Variants in RBM25 observed in about 807,000 individuals in gnomAD.
The protein encoded by RBM25 is RNA-binding protein 25.
In RBM25, 19 loss-of-function variants were observed where a neutral mutation model predicts 120.7. That is an observed-to-expected ratio of 0.16 (90% CI 0.11 to 0.23). RBM25 has a LOEUF of 0.23. RBM25 is among the 10% of genes least tolerant of loss of function. RBM25 has a pLI of 1.00. For synonymous variants in RBM25, 390 were observed against 326.7 expected (o/e 1.19, Z -2.09); for missense variants, 605 against 1,041.5 (o/e 0.58, Z 5.77).
chr14:73,062,476 A>G (rs1189408823), intron 1 of RBM25, among the ~76,000 whole-genome samples: 3 of 151,476 alleles, frequency 2.0e-5, no homozygotes, highest in Non-Finnish European at 4.4e-5. Context: ...AAAATAATCT[A>G]TCCTGGGAGA....
At position 73,123,621 on chromosome 14, in the gene RBM25, T is replaced by A. The variant is rs1441296213; in HGVS notation, c.*3816T>A. ...GATACATACCAAACCCAGGAGCTAC[T>A]AATATAACAATCATACTATAGAGCG... On this transcript the variant is annotated 3_prime_UTR_variant, in exon 19 of 19. Coordinates refer to ENST00000261973, the MANE Select transcript of RBM25 (RefSeq NM_021239.3). 6.6e-6 allele frequency: 1 copy of A among 152,226 alleles called. No homozygotes were observed. The highest frequency in any genetic ancestry group is 2.4e-5 in the African/African-American group (1 of 41,456). 9.4% of individuals were successfully genotyped at this position (152,226 alleles called of 1,614,324 possible). A position where few individuals can be genotyped will look rare whatever the true frequency, so the allele number is the denominator to read the frequency against.
rs1301226641 is a variant in RBM25, at chr14:73,061,089, G to T, written c.-16+2384G>T. On this transcript the variant is annotated intron_variant, in intron 1 of 18. Transcript: ENST00000261973. ...TTTTCCTTTTTGGAGATGGAGTCTC[G>T]CTCTGTCACCCAGGCTGGAGTGTAG... Among the ~76,000 whole-genome samples the T allele has an allele frequency of 1.4e-5, 2 of 147,508 alleles. 1 individual carries two copies. Among genetic ancestry groups the T allele is most frequent in the Non-Finnish European group, 3.0e-5 (2 of 66,594 alleles).
At chr14:73,099,979 C>T in intron 9 of RBM25, 1 of 547,592 alleles carries the variant, frequency 1.8e-6, no homozygotes, top group Non-Finnish European at 2.9e-6. Flanking sequence ...AGTCATCTCA[C>T]TTTAATATGA....
Position 73,117,210 on chromosome 14 carries a change from C to CTTTTTTTTTTTT in RBM25, c.2440-2480_2440-2469dup, listed in dbSNP as rs71112704. Among the ~76,000 whole-genome samples, 86 of 49,420 alleles carry CTTTTTTTTTTTT rather than the reference C, an allele frequency of 1.7e-3. 9 individuals carry two copies. Among genetic ancestry groups the CTTTTTTTTTTTT allele is most frequent in the African/African-American group, 2.6e-3 (35 of 13,232 alleles). 32.4% of individuals were successfully genotyped at this position (49,420 alleles called of 152,430 possible). A position where few individuals can be genotyped will look rare whatever the true frequency, so the allele number is the denominator to read the frequency against. Reference sequence around the variant, plus strand: ...TTTCTTTTAATTTCTTTCTTCTTTTCTTTTTTTTTTTTTTTTTTTTTTTTT... The same window carrying CTTTTTTTTTTTT: ...TTTCTTTTAATTTCTTTCTTCTTTTCTTTTTTTTTTTTTTTTTTTTTTTTTTTTTTTTTTTTT... On this transcript the variant is annotated intron_variant, in intron 18 of 18. Transcript: ENST00000261973.
In RBM25 at chr14:73,106,299, CTAAAA is replaced by C. The variant is rs777485731; in HGVS notation, c.1467+18_1467+22del. 9.6e-5 allele frequency: 150 copies of C among 1,555,024 alleles called. 1 individual carries two copies. The East Asian group carries it at 3.4e-3, about 35-fold the overall frequency. On this transcript the variant is annotated intron_variant, in intron 12 of 18. Transcript: ENST00000261973. Reference sequence around the variant, plus strand: ...AGAAGAGAAATGGTAAGATTCTAGGCTAAAATAAGTGATTTTTCAGGTAAAAAGTC... The same window carrying C: ...AGAAGAGAAATGGTAAGATTCTAGGCTAAGTGATTTTTCAGGTAAAAAGTC...
At chr14:73,094,843 C>CTG (rs755569413) in intron 6 of RBM25, among the ~76,000 whole-genome samples, 71 of 79,908 alleles carry the variant, frequency 8.9e-4, no homozygotes, top group African/African-American at 2.7e-3. Context: ...GTGTGTGTGT[C>CTG]TGTGTGTGTG....
chr14:73,071,576 A>C, intron 1 of RBM25, 51 bp from the exon 2 acceptor site: 2 of 1,304,558 alleles, frequency 1.5e-6, no homozygotes, highest in Middle Eastern at 1.8e-4. Flanking sequence ...AAGGCATATA[A>C]AATTGTGACG....
intron 6 of RBM25, chr14:73,088,537 C>T (rs1895740448): frequency 2.7e-6 from 1 of 375,236 alleles, no homozygotes; most frequent in Non-Finnish European, 5.3e-6. Flanking sequence ...TTTAGAAGTA[C>T]ACCGACTCTA....
At chr14:73,098,442 A>G (rs1895993867) in intron 7 of RBM25, among the ~76,000 whole-genome samples, 2 of 152,178 alleles carry the variant, frequency 1.3e-5, no homozygotes, top group South Asian at 4.1e-4. Flanking sequence ...AACGTGTTTT[A>G]TATGCATGCA....
At chr14:73,088,801 A>G (rs1895744698) in intron 6 of RBM25, among the ~76,000 whole-genome samples, 2 of 152,230 alleles carry the variant, frequency 1.3e-5, no homozygotes, top group African/African-American at 2.4e-5. Flanking sequence ...AAACAAAACC[A>G]GAAGAGTCTT....
intron 10 of RBM25, among the ~76,000 whole-genome samples, 198 bp from the exon 11 acceptor site, chr14:73,105,661 T>G (rs975413183): frequency 2.0e-5 from 3 of 152,228 alleles, no homozygotes; most frequent in Non-Finnish European, 4.4e-5. Context: ...GGTATTAGAA[T>G]GCATTTTAGG....
chr14:73,080,540 TA>T (rs531814368), intron 4 of RBM25, among the ~76,000 whole-genome samples: 424 of 152,240 alleles, frequency 2.8e-3, no homozygotes, highest in African/African-American at 9.9e-3. Flanking sequence ...ACATCTTTTT[TA>T]ACAATTGGTG....
At chr14:73,107,777 C>CT (rs772542785) in intron 12 of RBM25, 49 bp from the exon 13 acceptor site, 1 of 1,336,200 alleles carries the variant, frequency 7.5e-7, no homozygotes, top group East Asian at 2.3e-5. Context: ...GAAGAGTAAT[C>CT]TTTATTACTT....
intron 10 of RBM25, 114 bp downstream of exon 10, chr14:73,103,592 T>C: frequency 7.1e-7 from 1 of 1,414,546 alleles, no homozygotes; most frequent in South Asian, 1.6e-5. Flanking sequence ...GTGTGAGACA[T>C]TCTCACTCTG....
At chr14:73,096,491 A>G (rs929439392) in intron 6 of RBM25, among the ~76,000 whole-genome samples, 10 of 152,200 alleles carry the variant, frequency 6.6e-5, no homozygotes, top group Non-Finnish European at 7.3e-5. Context: ...TAATCTACAT[A>G]CAATTTTGCT....
At chr14:73,082,907 TA>T (rs34875952) in intron 4 of RBM25, among the ~76,000 whole-genome samples, 11,546 of 137,762 alleles carry the variant, frequency 0.084, 550 homozygotes, top group South Asian at 0.2. Flanking sequence ...TAAAAATAAA[TA>T]AAAAAAAAAA....
chr14:73,071,834 T>C (rs1003133083), intron 2 of RBM25, 87 bp downstream of exon 2: 3 of 1,090,616 alleles, frequency 2.8e-6, no homozygotes, highest in African/African-American at 1.6e-5. Flanking sequence ...GATATGTGAC[T>C]GTGTTAGTGA....
In RBM25 at chr14:73,120,360, T is replaced by C. The variant is rs1268938647; in HGVS notation, c.*555T>C. ...TTGTGAATGTATGTGTAAAAGTCTT[T>C]CTTTTCCCTAATTTGCTTTGGTGGG... On this transcript the variant is annotated 3_prime_UTR_variant, in exon 19 of 19. Coordinates refer to ENST00000261973, the MANE Select transcript of RBM25 (RefSeq NM_021239.3). 6.6e-6 allele frequency: 1 copy of C among 152,548 alleles called. No homozygotes were observed. Among genetic ancestry groups the C allele is most frequent in the Non-Finnish European group, 1.5e-5 (1 of 68,098 alleles). The allele number at this position is 152,548 out of a possible 1,614,324, so 9.4% of individuals were successfully genotyped here.
At chr14:73,061,765 A>C (rs926225032) in intron 1 of RBM25, among the ~76,000 whole-genome samples, 13 of 151,104 alleles carry the variant, frequency 8.6e-5, no homozygotes, top group African/African-American at 2.7e-4. Context: ...ATGGGGTTTC[A>C]CCATGTTGCC....
Sources: gnomAD v4.1 joint callset for allele counts (sites outside exome capture counted in the v4.1 genomes callset) on GRCh38, gnomAD v4.1.1 for gene constraint, MANE v1.5 for transcripts, NCBI Gene and HGNC (gene_info 2026-07-23, HGNC 2026-07-21) for gene names.